Variants in APBB2 observed in about 807,000 individuals in gnomAD.
APBB2 encodes amyloid beta precursor protein binding family B member 2.
A neutral mutation model predicts 82.5 loss-of-function variants in APBB2; 38 were observed. That is an observed-to-expected ratio of 0.46 (90% CI 0.36 to 0.60). The LOEUF is 0.60. APBB2 is among the 20% of genes least tolerant of loss of function. The pLI, the probability that APBB2 is intolerant of heterozygous loss-of-function variation, is 0.00. For missense variants in APBB2, 772 were observed against 972.3 expected (o/e 0.79, Z 2.74); for synonymous variants, 341 against 368.2 (o/e 0.93, Z 0.85).
At chr4:40,904,683 G>GTT (rs138434688) in intron 10 of APBB2, among the ~76,000 whole-genome samples, 3 of 114,012 alleles carry the variant, frequency 2.6e-5, no homozygotes, top group African/African-American at 9.6e-5. Flanking sequence ...CTTTGTTATT[G>GTT]CTTTTTTTTT....
chr4:41,099,828 G>A (rs1052594660), intron 3 of APBB2, among the ~76,000 whole-genome samples: 5 of 152,038 alleles, frequency 3.3e-5, no homozygotes, highest in African/African-American at 9.7e-5. Context: ...TGTCGATAAT[G>A]TTTCTGGAAC....
At chr4:40,940,645 A>C (rs1786641114) in intron 7 of APBB2, among the ~76,000 whole-genome samples, 1 of 152,182 alleles carries the variant, frequency 6.6e-6, no homozygotes, top group Non-Finnish European at 1.5e-5. Context: ...GACGCCCGTG[A>C]GGCTGTGAGC....
At chr4:41,036,033 C>T (rs1448349478) in intron 4 of APBB2, among the ~76,000 whole-genome samples, 1 of 152,052 alleles carries the variant, frequency 6.6e-6, no homozygotes, top group Admixed American at 6.6e-5. Flanking sequence ...GTGGCACACA[C>T]TTGTATCCCA....
chr4:40,974,635 G>A (rs1366804182), intron 6 of APBB2, among the ~76,000 whole-genome samples: 2 of 152,140 alleles, frequency 1.3e-5, no homozygotes, highest in Non-Finnish European at 2.9e-5. Flanking sequence ...TCCAATTTCA[G>A]GCATATCTAA....
At chr4:40,945,874 C>T (rs902828665) in intron 6 of APBB2, among the ~76,000 whole-genome samples, 4 of 152,200 alleles carry the variant, frequency 2.6e-5, no homozygotes, top group African/African-American at 9.6e-5. Context: ...TCCCAAAGTG[C>T]TGGGACTACA....
intron 10 of APBB2, among the ~76,000 whole-genome samples, chr4:40,917,359 G>T (rs1454332356): frequency 1.3e-5 from 2 of 152,080 alleles, no homozygotes; most frequent in Non-Finnish European, 2.9e-5. Flanking sequence ...CTTGCCCAAG[G>T]TCTCCCGGGC....
At chr4:41,022,014 A>C (rs1037071400) in intron 5 of APBB2, among the ~76,000 whole-genome samples, 1 of 152,074 alleles carries the variant, frequency 6.6e-6, no homozygotes, top group African/African-American at 2.4e-5. Flanking sequence ...TGAACATCTA[A>C]AGGAACAAAC....
intron 4 of APBB2, among the ~76,000 whole-genome samples, chr4:41,050,802 C>T (rs1560618600): frequency 6.6e-6 from 1 of 152,164 alleles, no homozygotes; most frequent in Non-Finnish European, 1.5e-5. Flanking sequence ...CTCTCATCCA[C>T]GTCAGGATTT....
At chr4:41,175,048 T>C (rs1303931375) in intron 1 of APBB2, among the ~76,000 whole-genome samples, 2 of 152,176 alleles carry the variant, frequency 1.3e-5, no homozygotes, top group Non-Finnish European at 1.5e-5. Flanking sequence ...TGAGTATTAT[T>C]TAAGGAAAAC....
intron 6 of APBB2, among the ~76,000 whole-genome samples, chr4:40,998,765 A>T (rs1804329421): frequency 6.6e-6 from 1 of 152,182 alleles, no homozygotes; most frequent in Admixed American, 6.5e-5. Context: ...TTGGGTCATT[A>T]TTAAGTAAAA....
chr4:41,026,233 C>G (rs1714154396), intron 5 of APBB2, among the ~76,000 whole-genome samples: 1 of 152,084 alleles, frequency 6.6e-6, no homozygotes, highest in Non-Finnish European at 1.5e-5. Context: ...CTATTGGGTA[C>G]TGAGCTTAAT....
intron 2 of APBB2, among the ~76,000 whole-genome samples, chr4:41,139,193 A>C (rs1162760832): frequency 6.6e-6 from 1 of 152,064 alleles, no homozygotes; most frequent in Non-Finnish European, 1.5e-5. Context: ...ATAATCTCTT[A>C]TCAAAAGGCT....
intron 2 of APBB2, among the ~76,000 whole-genome samples, chr4:41,123,353 T>G (rs1424106389): frequency 6.6e-6 from 1 of 152,238 alleles, no homozygotes; most frequent in South Asian, 2.1e-4. Flanking sequence ...TTCTTAATGG[T>G]TGTGGCTCAA....
At chr4:40,948,493 G>A (rs1246113969) in intron 6 of APBB2, among the ~76,000 whole-genome samples, 2 of 152,074 alleles carry the variant, frequency 1.3e-5, no homozygotes, top group African/African-American at 4.8e-5. Flanking sequence ...AGGGGCAGTG[G>A]CTCATGCCTG....
At chr4:41,152,806 T>A (rs189562486) in intron 1 of APBB2, among the ~76,000 whole-genome samples, 17 of 152,344 alleles carry the variant, frequency 1.1e-4, no homozygotes, top group Non-Finnish European at 1.9e-4. Context: ...AAGGGCACTA[T>A]CTTCCTAGAG....
chr4:41,041,801 G>GA (rs1051768721), intron 4 of APBB2, among the ~76,000 whole-genome samples: 19 of 151,948 alleles, frequency 1.3e-4, no homozygotes, highest in African/African-American at 4.1e-4. Context: ...TGCACAGACA[G>GA]AAAAAAAGCC....
At chr4:40,893,435 A>G (rs1274609131) in intron 10 of APBB2, 24 bp from the exon 11 acceptor site, 2 of 1,591,552 alleles carry the variant, frequency 1.3e-6, no homozygotes, top group Non-Finnish European at 1.7e-6. Context: ...AAAGAGGACA[A>G]GAAGTCACTC....
At chr4:40,923,176 C>T (rs1477218698) in intron 10 of APBB2, among the ~76,000 whole-genome samples, 3 of 149,628 alleles carry the variant, frequency 2.0e-5, no homozygotes, top group Non-Finnish European at 4.4e-5. Context: ...GGGGTTTCAC[C>T]GTGTTAGCCA....
At position 41,022,278 on chromosome 4, in the gene APBB2, T is replaced by C. The variant is rs576648621; in HGVS notation, c.20-7880A>G. ...AGATTCTGATTCAGTTCCTCTGGGATTGGGCCCAGTCAGGGCATTAAAATG... is the reference window on the plus strand; with the variant it reads ...AGATTCTGATTCAGTTCCTCTGGGACTGGGCCCAGTCAGGGCATTAAAATG... On this transcript the variant is annotated intron_variant, in intron 5 of 17. Coordinates refer to ENST00000508593, the MANE Select transcript of APBB2 (RefSeq NM_004307.2). Among the ~76,000 whole-genome samples, 7 of 152,344 alleles carry C rather than the reference T, an allele frequency of 4.6e-5. No individual in the cohort carries two copies. In the South Asian group the frequency reaches 6.2e-4, roughly 14 times the overall value.
Sources: allele counts gnomAD v4.1 joint callset (sites outside exome capture counted in the v4.1 genomes callset), GRCh38; gene constraint gnomAD v4.1.1; transcripts MANE v1.5; gene names NCBI Gene and HGNC (gene_info 2026-07-23, HGNC 2026-07-21).